Variants in MCM4 observed in about 807,000 individuals in gnomAD.
MCM4 encodes DNA replication licensing factor MCM4.
Under a neutral mutation model 88.7 loss-of-function variants are expected in MCM4, and 60 were observed. The observed-to-expected ratio is 0.68, with a 90% CI of 0.55 to 0.84. The LOEUF is 0.84. Ranked by LOEUF, MCM4 falls within the 40% of genes least tolerant of loss-of-function variation. The pLI is 0.00. For missense variants in MCM4, 1,149 were observed against 1,105.5 expected (o/e 1.04, Z -0.56); for synonymous variants, 465 against 410.5 (o/e 1.13, Z -1.61).
chr8:47,961,453 A>C, intron 2 of MCM4, 63 bp from the exon 3 acceptor site: 1 of 1,611,610 alleles, frequency 6.2e-7, no homozygotes, highest in South Asian at 1.1e-5. Flanking sequence ...CAAGGAAAAG[A>C]CAAATCCAGG....
intron 10 of MCM4, among the ~76,000 whole-genome samples, chr8:47,968,204 C>T (rs142005274): frequency 1.3e-5 from 2 of 152,212 alleles, no homozygotes; most frequent in East Asian, 1.9e-4. Flanking sequence ...GGCAAGGTGG[C>T]GACGGTCGCG....
intron 16 of MCM4, 95 bp from the exon 17 acceptor site, chr8:47,976,591 C>G: frequency 1.2e-6 from 1 of 854,922 alleles, no homozygotes; most frequent in South Asian, 1.5e-5. Flanking sequence ...GAGAAAGATT[C>G]TGGGTGGTAC....
rs1168407902 is a variant in MCM4 at position 47,971,467 on chromosome 8, A to C, written c.1927A>C (p.Arg643=). Residue 643 remains arginine, a splice_region_variant and synonymous_variant, in exon 13 of 17, where the codon AGG becomes CGG. Coordinates refer to ENST00000649973, the MANE Select transcript of MCM4 (RefSeq NM_182746.3). ...NIQLPHTLLS[R]FDLIFLLLDP... is the part of the protein sequence containing the mutation. Reference sequence around the variant, plus strand: ...CCAGCTGCCTCATACTTTATTATCAAGGTATTAAAACAGATTTTTATTTTG... The same window carrying C: ...CCAGCTGCCTCATACTTTATTATCACGGTATTAAAACAGATTTTTATTTTG... The C allele has an allele frequency of 6.2e-7, 1 of 1,613,862 alleles. No individual in the cohort carries two copies. Among genetic ancestry groups the C allele is most frequent in the Non-Finnish European group, 8.5e-7 (1 of 1,179,866 alleles).
rs1239783950 is a variant in MCM4, at chr8:47,966,420, C to T, written c.1053+13C>T. 1 of 1,595,286 alleles carries T rather than the reference C, an allele frequency of 6.3e-7. No homozygotes were observed. Among genetic ancestry groups the T allele is most frequent in the Admixed American group, 1.7e-5 (1 of 58,578 alleles). On this transcript the variant is annotated intron_variant, in intron 9 of 16. Transcript: ENST00000649973. The stretch of plus-strand genomic sequence containing the variant: ...TGACAAGCAGATGGTGCGCAGCCAC[C>T]CTGGCCCCCCAGGCTATGCTTTGCC...
rs1180381779 is a variant in MCM4, at chr8:47,967,498, G to C, written c.1174+13G>C. Reference sequence around the variant, plus strand: ...GTGAATGTTACAGGTAAGAGTGTAGGTTTGCACCAGCACTTGAGCATGTCT... The same window carrying C: ...GTGAATGTTACAGGTAAGAGTGTAGCTTTGCACCAGCACTTGAGCATGTCT... On this transcript the variant is annotated intron_variant, in intron 10 of 16. Coordinates refer to ENST00000649973, the MANE Select transcript of MCM4 (RefSeq NM_182746.3). 6.2e-7 allele frequency: 1 copy of C among 1,613,990 alleles called. No homozygotes were observed. The highest frequency in any genetic ancestry group is 8.5e-7 in the Non-Finnish European group (1 of 1,179,924).
chr8:47,975,889 C>G (rs376074031), intron 16 of MCM4, 41 bp downstream of exon 16: 116 of 1,395,372 alleles, frequency 8.3e-5, no homozygotes, highest in Non-Finnish European at 1.0e-4. Flanking sequence ...AGAGCTTTCT[C>G]TTTTTCCTTA....
chr8:47,961,226 G>A lies in MCM4; in HGVS notation c.70+12G>A, dbSNP rs919918007. On this transcript the variant is annotated intron_variant, in intron 2 of 16. Coordinates refer to ENST00000649973, the MANE Select transcript of MCM4 (RefSeq NM_182746.3). Reference sequence around the variant, plus strand: ...CCCCGCCCAGACGCGTGAGTCCCCCGAGCCGGGCCCACTACAGCCCCCGGC... The same window carrying A: ...CCCCGCCCAGACGCGTGAGTCCCCCAAGCCGGGCCCACTACAGCCCCCGGC... 4.0e-6 allele frequency: 6 copies of A among 1,497,212 alleles called. No individual in the cohort carries two copies. The highest frequency in any genetic ancestry group is 5.3e-6 in the Non-Finnish European group (6 of 1,131,000). The allele number at this position is 1,497,212 out of a possible 1,614,324, so 92.7% of individuals were successfully genotyped here.
rs771882687 is a variant in MCM4 at position 47,962,263 on chromosome 8, G to C, written c.400-42G>C. The C allele has an allele frequency of 1.9e-5, 31 of 1,613,832 alleles. No individual in the cohort carries two copies. In the Admixed American group the frequency reaches 3.7e-4, roughly 19 times the overall value. The stretch of plus-strand genomic sequence containing the variant: ...ACCATCTTATGGCGGGTATCATGTG[G>C]GTAACTCTGTTTTCATGATTCTGTC... On this transcript the variant is annotated intron_variant, in intron 4 of 16. Transcript: ENST00000649973.
chr8:47,976,912 A>G lies in MCM4; in HGVS notation c.*134A>G. ...TGGTTTGGCTGCATAAAAATTTTCT[A>G]ACTTGGGTTCAATATTTGTAGTGAA... On this transcript the variant is annotated 3_prime_UTR_variant, in exon 17 of 17. Transcript: ENST00000649973. 5 of 579,868 alleles carry G rather than the reference A, an allele frequency of 8.6e-6. No individual in the cohort carries two copies. In the South Asian group the frequency reaches 1.0e-4, roughly 12 times the overall value. The allele number at this position is 579,868 out of a possible 1,614,324, so 35.9% of individuals were successfully genotyped here. A position where few individuals can be genotyped will look rare whatever the true frequency, so the allele number is the denominator to read the frequency against.
chr8:47,966,337 GC>G lies in MCM4; in HGVS notation c.984del (p.Cys328TrpfsTer24). On this transcript the variant is annotated frameshift_variant, in exon 9 of 17. Transcript: ENST00000649973. LOFTEE classifies it high-confidence loss of function. ...GGCCGCATTGCAGAGCCCAGTGTGT[GC>G]GGGCGCTGCCACACCACCCACAGCA... ...DRGRIAEPSVCGRCHTTHSMA... is the reference protein window; with the variant it reads ...DRGRIAEPSVXGRCHTTHSMA... 1 of 1,613,908 alleles carries G rather than the reference GC, an allele frequency of 6.2e-7. No individual in the cohort carries two copies. The highest frequency in any genetic ancestry group is 8.5e-7 in the Non-Finnish European group (1 of 1,180,036).
rs758107788 is a variant in MCM4 at position 47,974,728 on chromosome 8, C to T, written c.2137-6C>T. 3 of 1,611,766 alleles carry T rather than the reference C, an allele frequency of 1.9e-6. No individual in the cohort carries two copies. In the South Asian group the frequency reaches 3.3e-5, roughly 18 times the overall value. On this transcript the variant is annotated splice_region_variant and splice_polypyrimidine_tract_variant and intron_variant, in intron 14 of 16. Transcript: ENST00000649973. ...GCTTTTGCTTTTGTTTTTCTACCTA[C>T]AATAGGCTTATGTAGACATGAGGAA...
At chr8:47,969,706 C>T (rs546415072) in intron 10 of MCM4, 92 bp from the exon 11 acceptor site, 3 of 1,349,834 alleles carry the variant, frequency 2.2e-6, no homozygotes, top group Middle Eastern at 1.8e-4. Context: ...TGGTGCCTCG[C>T]TCTGAAGTGC....
At position 47,962,349 on chromosome 8, in the gene MCM4, A is replaced by G. The variant is rs1242041253; in HGVS notation, c.444A>G (p.Gln148=). ...TGGCAAGTGAGCAGTCTCTAGGCCA[A>G]AAACTTGTGATCTGGGGAACAGATG... ...DIVASEQSLG[Q]KLVIWGTDVN... is the part of the protein sequence containing the mutation. Residue 148 remains glutamine (Q), a synonymous_variant, in exon 5 of 17, where the codon CAA becomes CAG. Transcript: ENST00000649973. 1.9e-6 allele frequency: 3 copies of G among 1,614,244 alleles called. No homozygotes were observed. In the South Asian group the frequency reaches 3.3e-5, roughly 18 times the overall value.
Position 47,964,975 on chromosome 8 carries a change from G to A in MCM4, c.832+263G>A, listed in dbSNP as rs552306368. ...TCACGCCTATAATCCCAGCACTTCA[G>A]GAGGCCGAGGCAGGCGGATCACCTG... On this transcript the variant is annotated intron_variant, in intron 8 of 16. Coordinates refer to ENST00000649973, the MANE Select transcript of MCM4 (RefSeq NM_182746.3). 6.6e-5 allele frequency among the ~76,000 whole-genome samples: 10 copies of A among 152,324 alleles called. No individual in the cohort carries two copies. In the South Asian group the frequency reaches 8.3e-4, roughly 13 times the overall value.
chr8:47,965,855 C>G (rs940271931), intron 8 of MCM4, among the ~76,000 whole-genome samples: 1 of 152,094 alleles, frequency 6.6e-6, no homozygotes, highest in Non-Finnish European at 1.5e-5. Context: ...CACAGAAAGG[C>G]TAGGGTCAGG....
chr8:47,969,539 T>C, intron 10 of MCM4: 1 of 493,066 alleles, frequency 2.0e-6, no homozygotes, highest in Non-Finnish European at 3.7e-6. Context: ...ATTACAGACA[T>C]GAGCCACCTT....
chr8:47,974,977 G>A lies in MCM4; in HGVS notation c.2365+15G>A. The stretch of plus-strand genomic sequence containing the variant: ...TCTTACTACGGGTTCGTTATTTTCA[G>A]TGAACAGAAAAGCTTTTGAAAATTA... On this transcript the variant is annotated intron_variant, in intron 15 of 16. Coordinates refer to ENST00000649973, the MANE Select transcript of MCM4 (RefSeq NM_182746.3). The A allele has an allele frequency of 6.3e-7, 1 of 1,589,608 alleles. No individual in the cohort carries two copies. Among genetic ancestry groups the A allele is most frequent in the Non-Finnish European group, 8.6e-7 (1 of 1,162,262 alleles).
Position 47,961,164 on chromosome 8 carries a change from C to A in MCM4, c.20C>A (p.Thr7Asn). Residue 7 changes from threonine to asparagine, a missense_variant, in exon 2 of 17, where the codon ACC becomes AAC. This residue lies in a region of MCM4 where 906 missense variants were observed against 843.0 expected (regional missense o/e 1.07). Coordinates refer to ENST00000649973, the MANE Select transcript of MCM4 (RefSeq NM_182746.3). MSSPAS[T>N]PSRRGSRRGR... ...AGCACTATGTCGTCCCCGGCGTCGA[C>A]CCCGAGCCGCCGCGGCAGCCGGCGT... The A allele has an allele frequency of 6.4e-7, 1 of 1,552,080 alleles. No homozygotes were observed. The highest frequency in any genetic ancestry group is 1.2e-5 in the South Asian group (1 of 86,024).
chr8:47,964,792 A>T, intron 8 of MCM4, 80 bp downstream of exon 8: 3 of 1,242,370 alleles, frequency 2.4e-6, no homozygotes, highest in African/African-American at 1.5e-5. Flanking sequence ...TTGAGAAATT[A>T]TGAAAGAAGT....
Sources: gnomAD v4.1 joint callset for allele counts (sites outside exome capture counted in the v4.1 genomes callset) on GRCh38, gnomAD v4.1.1 for gene constraint, gnomAD v4.1.1 regional missense constraint, MANE v1.5 for transcripts, NCBI Gene and HGNC (gene_info 2026-07-23, HGNC 2026-07-21) for gene names.